Variants in ATP8B1 observed in about 807,000 individuals in gnomAD.
ATP8B1 encodes ATPase phospholipid transporting 8B1.
ATP8B1 carries 80 observed loss-of-function variants against 149.9 expected under a neutral mutation model. The observed-to-expected ratio is 0.53, with a 90% CI of 0.45 to 0.64. The LOEUF (loss-of-function observed/expected upper bound fraction) is 0.64, where lower values mean the gene tolerates loss of function less well. Ranked by LOEUF, ATP8B1 falls within the 30% of genes least tolerant of loss-of-function variation. ATP8B1 has a pLI of 0.00. For synonymous variants in ATP8B1, 536 were observed against 562.8 expected (o/e 0.95, Z 0.67); for missense variants, 1,247 against 1,552.6 (o/e 0.80, Z 3.31).
chr18:57,777,331 G>C (rs1407254357), intron 1 of ATP8B1, among the ~76,000 whole-genome samples: 1 of 152,164 alleles, frequency 6.6e-6, no homozygotes, highest in Non-Finnish European at 1.5e-5. Flanking sequence ...ATCCAATGCA[G>C]AAACTATGTA....
intron 16 of ATP8B1, among the ~76,000 whole-genome samples, chr18:57,673,808 C>G (rs148126597): frequency 6.6e-6 from 1 of 151,984 alleles, no homozygotes; most frequent in Non-Finnish European, 1.5e-5. Context: ...TTTCAAATTA[C>G]GAATTTAAAG....
chr18:57,664,926 T>C (rs901727389), intron 20 of ATP8B1, among the ~76,000 whole-genome samples: 1 of 152,188 alleles, frequency 6.6e-6, no homozygotes, highest in Non-Finnish European at 1.5e-5. Context: ...CAAAGAAGGC[T>C]TCTCAGCCTT....
chr18:57,718,401 T>C (rs1422367741), intron 2 of ATP8B1, among the ~76,000 whole-genome samples: 1 of 152,078 alleles, frequency 6.6e-6, no homozygotes, highest in African/African-American at 2.4e-5. Context: ...CAGGACCCAA[T>C]GGCTTCACTA....
At chr18:57,702,741 C>T (rs750036231) in intron 4 of ATP8B1, among the ~76,000 whole-genome samples, 1 of 151,968 alleles carries the variant, frequency 6.6e-6, no homozygotes, top group Non-Finnish European at 1.5e-5. Context: ...CCTGTAATCC[C>T]AGCTACTCAG....
In ATP8B1 at chr18:57,761,679, G is replaced by A. The variant is rs73445097; in HGVS notation, c.-25-29847C>T. On this transcript the variant is annotated intron_variant, in intron 1 of 27. Coordinates refer to ENST00000648908, the MANE Select transcript of ATP8B1 (RefSeq NM_001374385.1). ...TTTTTTTTTTAATGGACTAGGCCAG[G>A]TACAGTGGCTCACGTCTGTAATCCC... Among the ~76,000 whole-genome samples the A allele has an allele frequency of 2.0e-3, 307 of 151,150 alleles. 1 individual carries two copies. The highest frequency in any genetic ancestry group is 6.9e-3 in the African/African-American group (285 of 41,194).
Position 57,695,594 on chromosome 18 carries a change from A to G in ATP8B1, c.699-62T>C, listed in dbSNP as rs558905132. ...ATTTTTGAGTTCAAAGTGGAAGTTAATCATCCAAAGTTACATTAGCCATAC... is the reference window on the plus strand; with the variant it reads ...ATTTTTGAGTTCAAAGTGGAAGTTAGTCATCCAAAGTTACATTAGCCATAC... On this transcript the variant is annotated intron_variant, in intron 8 of 27. Coordinates refer to ENST00000648908, the MANE Select transcript of ATP8B1 (RefSeq NM_001374385.1). 1.5e-4 allele frequency: 195 copies of G among 1,297,440 alleles called. 5 individuals are homozygous for G. In the South Asian group the frequency reaches 2.3e-3, roughly 15 times the overall value. The allele number at this position is 1,297,440 out of a possible 1,614,324, so 80.4% of individuals were successfully genotyped here. A position where few individuals can be genotyped will look rare whatever the true frequency, so the allele number is the denominator to read the frequency against.
intron 6 of ATP8B1, among the ~76,000 whole-genome samples, chr18:57,700,262 A>G (rs113339902): frequency 2.8e-4 from 43 of 152,188 alleles, no homozygotes; most frequent in Middle Eastern, 3.2e-3. Context: ...TGCTGGAGTT[A>G]AGAATTGTAT....
chr18:57,736,202 T>A lies in ATP8B1; in HGVS notation c.-25-4370A>T, dbSNP rs72627254. Among the ~76,000 whole-genome samples the A allele has an allele frequency of 4.7e-3, 723 of 152,246 alleles. 28 individuals carry two copies. The East Asian group carries it at 0.11, about 23-fold the overall frequency. ...ATTATTTGTTTTTGAGTTGTTTGAG[T>A]TCCTTGTATATTTCTGGATACTAGT... On this transcript the variant is annotated intron_variant, in intron 1 of 27. Coordinates refer to ENST00000648908, the MANE Select transcript of ATP8B1 (RefSeq NM_001374385.1).
At chr18:57,666,400 G>GT (rs925171259) in intron 20 of ATP8B1, among the ~76,000 whole-genome samples, 135 of 148,882 alleles carry the variant, frequency 9.1e-4, no homozygotes, top group South Asian at 1.5e-3. Context: ...AAAGTTTTGG[G>GT]TTTTTTTTTT....
intron 2 of ATP8B1, among the ~76,000 whole-genome samples, chr18:57,721,454 C>T (rs996182501): frequency 2.0e-5 from 3 of 148,340 alleles, no homozygotes; most frequent in African/African-American, 7.4e-5. Context: ...ATCCTAGTCT[C>T]TGATAAAACA....
intron 20 of ATP8B1, among the ~76,000 whole-genome samples, chr18:57,666,772 G>GT (rs1385779432): frequency 6.6e-6 from 1 of 152,110 alleles, no homozygotes; most frequent in Non-Finnish European, 1.5e-5. Flanking sequence ...CTGACTTCAG[G>GT]TGATCCACCC....
intron 1 of ATP8B1, among the ~76,000 whole-genome samples, chr18:57,758,515 GTGCA>G (rs2080108350): frequency 6.6e-6 from 1 of 151,786 alleles, no homozygotes; most frequent in Non-Finnish European, 1.5e-5. Context: ...AGGCACAGTG[GTGCA>G]TGCCTGTAAT....
chr18:57,655,949 C>T (rs1409019957), intron 22 of ATP8B1, among the ~76,000 whole-genome samples: 1 of 152,212 alleles, frequency 6.6e-6, no homozygotes. Context: ...TTTAGATCCA[C>T]TTATGACTTG....
chr18:57,738,824 T>C (rs974146977), intron 1 of ATP8B1, among the ~76,000 whole-genome samples: 3 of 151,914 alleles, frequency 2.0e-5, no homozygotes, highest in Admixed American at 6.6e-5. Flanking sequence ...GGCATGCCAT[T>C]CTCCTGCTTA....
chr18:57,760,538 A>G (rs1354509590), intron 1 of ATP8B1, among the ~76,000 whole-genome samples: 2 of 152,226 alleles, frequency 1.3e-5, no homozygotes, highest in Admixed American at 1.3e-4. Context: ...TGGCTTCCAC[A>G]AGATCCAGCC....
At chr18:57,737,198 C>T (rs1344914032) in intron 1 of ATP8B1, 1 of 152,206 alleles carries the variant, frequency 6.6e-6, no homozygotes, top group African/African-American at 2.4e-5. Context: ...ATCTACCTGC[C>T]TCAGCCTCCC....
chr18:57,694,534 A>T, intron 11 of ATP8B1, 48 bp downstream of exon 11: 1 of 1,273,242 alleles, frequency 7.9e-7, no homozygotes. Flanking sequence ...TATTAGTGCA[A>T]AAGACAGCAA....
chr18:57,717,473 G>T (rs537483138), intron 2 of ATP8B1, among the ~76,000 whole-genome samples: 1 of 126,890 alleles, frequency 7.9e-6, no homozygotes, highest in African/African-American at 2.9e-5. Flanking sequence ...GCATGAACCC[G>T]GGAGGCGGAG....
At chr18:57,776,862 A>G (rs565759105) in intron 1 of ATP8B1, among the ~76,000 whole-genome samples, 13 of 152,194 alleles carry the variant, frequency 8.5e-5, no homozygotes, top group African/African-American at 3.1e-4. Context: ...TCCACTGTGG[A>G]AGCTTCTTCA....
Sources: gnomAD v4.1 joint callset for allele counts (sites outside exome capture counted in the v4.1 genomes callset) on GRCh38, gnomAD v4.1.1 for gene constraint, MANE v1.5 for transcripts, NCBI Gene and HGNC (gene_info 2026-07-23, HGNC 2026-07-21) for gene names.